Variants in PTPRO observed in about 807,000 individuals in gnomAD.
The protein encoded by PTPRO is receptor-type tyrosine-protein phosphatase O.
PTPRO carries 62 observed loss-of-function variants against 145.2 expected under a neutral mutation model. The ratio of observed to expected loss-of-function variants is 0.43; its 90% CI spans 0.35 to 0.53. The LOEUF is 0.53. Ranked by LOEUF, PTPRO falls within the 20% of genes least tolerant of loss-of-function variation. The pLI, the probability that PTPRO is intolerant of heterozygous loss-of-function variation, is 0.01. For synonymous variants in PTPRO, 565 were observed against 514.7 expected, an observed-to-expected ratio of 1.10 and a Z score of -1.32; for missense variants, 1,345 against 1,482.7, an observed-to-expected ratio of 0.91 and a Z score of 1.53.
intron 19 of PTPRO, among the ~76,000 whole-genome samples, chr12:15,572,356 T>C (rs1334714056): frequency 6.6e-6 from 1 of 152,012 alleles, no homozygotes; most frequent in East Asian, 1.9e-4. Context: ...ATACAAACAG[T>C]ATAGTATAGT....
intron 15 of PTPRO, among the ~76,000 whole-genome samples, chr12:15,555,618 T>G (rs951392484): frequency 2.0e-4 from 30 of 152,178 alleles, no homozygotes; most frequent in Admixed American, 1.9e-3. Flanking sequence ...TGGTAATAGA[T>G]GTAATGCAAG....
chr12:15,553,844 A>G (rs545540802), intron 15 of PTPRO, among the ~76,000 whole-genome samples: 1 of 152,356 alleles, frequency 6.6e-6, no homozygotes. Context: ...GGCAGAGAGA[A>G]GCCATCAGAT....
chr12:15,429,476 C>T (rs1199523830), intron 1 of PTPRO, among the ~76,000 whole-genome samples: 1 of 151,964 alleles, frequency 6.6e-6, no homozygotes, highest in East Asian at 1.9e-4. Flanking sequence ...TGGGAATATG[C>T]AAAGGAGAGG....
chr12:15,403,659 T>C (rs911399541), intron 1 of PTPRO, among the ~76,000 whole-genome samples: 1 of 152,194 alleles, frequency 6.6e-6, no homozygotes, highest in African/African-American at 2.4e-5. Flanking sequence ...TGGCCCTACT[T>C]GGCTTCCCTA....
Position 15,328,219 on chromosome 12 carries a change from T to C in PTPRO, c.75+5418T>C, listed in dbSNP as rs575939017. Among the ~76,000 whole-genome samples, 3 of 152,308 alleles carry C rather than the reference T, an allele frequency of 2.0e-5. No homozygotes were observed. In the East Asian group the frequency reaches 5.8e-4, roughly 29 times the overall value. Reference sequence around the variant, plus strand: ...ATGTTTCCCTTTTCCAAGCTTGTTCTAGGTCTTCAGAACACCAATCCTTAG... The same window carrying C: ...ATGTTTCCCTTTTCCAAGCTTGTTCCAGGTCTTCAGAACACCAATCCTTAG... On this transcript the variant is annotated intron_variant, in intron 1 of 26. Transcript: ENST00000281171.
chr12:15,535,175 T>C (rs959600255), intron 12 of PTPRO, among the ~76,000 whole-genome samples: 1 of 152,196 alleles, frequency 6.6e-6, no homozygotes, highest in Non-Finnish European at 1.5e-5. Context: ...GATTCTTCTT[T>C]GGATGTAAAC....
intron 3 of PTPRO, among the ~76,000 whole-genome samples, chr12:15,498,331 G>A (rs1252112597): frequency 6.6e-6 from 1 of 152,202 alleles, no homozygotes; most frequent in African/African-American, 2.4e-5. Context: ...GAGGTGGGCA[G>A]ATCACTTGCG....
chr12:15,442,517 A>C (rs1165964992), intron 1 of PTPRO, among the ~76,000 whole-genome samples: 1 of 152,182 alleles, frequency 6.6e-6, no homozygotes, highest in Non-Finnish European at 1.5e-5. Flanking sequence ...AACAGAAAGA[A>C]ATAAAAGGCA....
intron 1 of PTPRO, among the ~76,000 whole-genome samples, chr12:15,436,958 G>A (rs932622601): frequency 2.6e-5 from 4 of 152,074 alleles, no homozygotes; most frequent in East Asian, 1.9e-4. Flanking sequence ...TGATCTGTGT[G>A]TGCCATTGCT....
intron 1 of PTPRO, among the ~76,000 whole-genome samples, chr12:15,456,605 G>A (rs1941184330): frequency 6.6e-6 from 1 of 152,080 alleles, no homozygotes; most frequent in Non-Finnish European, 1.5e-5. Context: ...ACTTTTCTTT[G>A]TTGAAAAGTA....
intron 1 of PTPRO, among the ~76,000 whole-genome samples, chr12:15,344,158 T>C (rs756619129): frequency 6.6e-6 from 1 of 152,206 alleles, no homozygotes; most frequent in Non-Finnish European, 1.5e-5. Context: ...ATGAGAACTA[T>C]GCACCATTTC....
intron 12 of PTPRO, among the ~76,000 whole-genome samples, chr12:15,541,449 A>T (rs1349759972): frequency 6.6e-6 from 1 of 152,240 alleles, no homozygotes; most frequent in African/African-American, 2.4e-5. Context: ...TAGGGCTGTC[A>T]TAGCAAAATA....
chr12:15,392,216 C>CAT (rs1939207121), intron 1 of PTPRO, among the ~76,000 whole-genome samples: 2 of 152,156 alleles, frequency 1.3e-5, no homozygotes, highest in Non-Finnish European at 2.9e-5. Flanking sequence ...ATGATATTAG[C>CAT]AGTGACCCCA....
rs533865176 is a variant in PTPRO at position 15,542,826 on chromosome 12, C to T, written c.2165-3743C>T. Among the ~76,000 whole-genome samples, 179 of 152,282 alleles carry T rather than the reference C, an allele frequency of 1.2e-3. 1 individual carries two copies. The highest frequency in any genetic ancestry group is 4.2e-3 in the African/African-American group (175 of 41,568). The stretch of plus-strand genomic sequence containing the variant: ...TGTATTTTACATTTGCAACACCTCT[C>T]AATTTGGACTAGCCACATTTCAAGT... On this transcript the variant is annotated intron_variant, in intron 12 of 26. Transcript: ENST00000281171.
chr12:15,554,570 T>C (rs918989479), intron 15 of PTPRO, among the ~76,000 whole-genome samples: 2 of 152,076 alleles, frequency 1.3e-5, no homozygotes, highest in African/African-American at 4.8e-5. Context: ...ACTGAAGAAC[T>C]TGGAGTCCAA....
intron 1 of PTPRO, among the ~76,000 whole-genome samples, chr12:15,470,840 A>G (rs1318173568): frequency 6.6e-6 from 1 of 152,240 alleles, no homozygotes; most frequent in African/African-American, 2.4e-5. Flanking sequence ...ATGGCAGTGC[A>G]AGGAATTCAA....
At chr12:15,361,364 G>C (rs1938201915) in intron 1 of PTPRO, among the ~76,000 whole-genome samples, 1 of 150,260 alleles carries the variant, frequency 6.7e-6, no homozygotes, top group Non-Finnish European at 1.5e-5. Context: ...GCTTGAACCT[G>C]GGAGGCGAAG....
At chr12:15,459,235 T>G (rs566434537) in intron 1 of PTPRO, among the ~76,000 whole-genome samples, 8 of 152,182 alleles carry the variant, frequency 5.3e-5, no homozygotes, top group Non-Finnish European at 1.0e-4. Flanking sequence ...ACTTGCTCTG[T>G]GCTGAGCAAG....
intron 1 of PTPRO, among the ~76,000 whole-genome samples, chr12:15,357,342 C>T (rs776542076): frequency 5.9e-5 from 9 of 152,166 alleles, no homozygotes; most frequent in African/African-American, 9.7e-5. Context: ...TGCCCCACTA[C>T]GTCATGTGTT....
Sources: gnomAD v4.1 joint callset for allele counts (sites outside exome capture counted in the v4.1 genomes callset) on GRCh38, gnomAD v4.1.1 for gene constraint, MANE v1.5 for transcripts, NCBI Gene and HGNC (gene_info 2026-07-23, HGNC 2026-07-21) for gene names.